Variants in PPM1E observed in about 807,000 individuals in gnomAD.
PPM1E encodes protein phosphatase 1E.
PPM1E carries 20 observed loss-of-function variants against 65.9 expected under a neutral mutation model. That is an observed-to-expected ratio of 0.30 (90% CI 0.21 to 0.44). PPM1E has a LOEUF of 0.44. Among genes scored for constraint, PPM1E ranks in the 20% least tolerant of loss-of-function variants. The pLI is 1.00. For missense variants in PPM1E, 713 were observed against 953.1 expected (o/e 0.75, Z 3.32); for synonymous variants, 352 against 374.9 (o/e 0.94, Z 0.70).
intron 1 of PPM1E, among the ~76,000 whole-genome samples, chr17:58,919,505 G>A (rs1048843591): frequency 2.0e-5 from 3 of 152,240 alleles, no homozygotes; most frequent in Non-Finnish European, 4.4e-5. Context: ...AAAGATAGAG[G>A]CTGGGCACGG....
chr17:58,931,206 G>A (rs140243306), intron 1 of PPM1E, among the ~76,000 whole-genome samples: 3,907 of 152,050 alleles, frequency 0.026, 76 homozygotes, highest in Non-Finnish European at 0.038. Context: ...GACCAACATG[G>A]AGAAACCCCA....
At chr17:58,786,357 A>G (rs961738752) in intron 1 of PPM1E, among the ~76,000 whole-genome samples, 2 of 152,138 alleles carry the variant, frequency 1.3e-5, no homozygotes, top group Non-Finnish European at 2.9e-5. Context: ...TCTCTTTAGC[A>G]TATCTGAATT....
chr17:58,764,268 A>G (rs1183678216), intron 1 of PPM1E, among the ~76,000 whole-genome samples: 1 of 152,072 alleles, frequency 6.6e-6, no homozygotes, highest in Non-Finnish European at 1.5e-5. Context: ...TAGATTTGCT[A>G]TTTTTTAAAA....
At chr17:58,798,230 G>GTT (rs980535079) in intron 1 of PPM1E, among the ~76,000 whole-genome samples, 10,344 of 129,934 alleles carry the variant, frequency 0.08, 1,398 homozygotes, top group African/African-American at 0.27. Flanking sequence ...TTTTTTGTTT[G>GTT]TTTTTTTTTT....
At chr17:58,812,896 A>G (rs997689062) in intron 1 of PPM1E, among the ~76,000 whole-genome samples, 62 of 152,162 alleles carry the variant, frequency 4.1e-4, no homozygotes, top group African/African-American at 1.4e-3. Flanking sequence ...AGATTTCCTC[A>G]AGTCTTTTCA....
At chr17:58,842,710 G>C in intron 1 of PPM1E, among the ~76,000 whole-genome samples, 1 of 150,826 alleles carries the variant, frequency 6.6e-6, no homozygotes, top group Admixed American at 6.6e-5. Flanking sequence ...AGGCCAAGGC[G>C]GGTGGATCAC....
intron 1 of PPM1E, among the ~76,000 whole-genome samples, chr17:58,772,454 A>T (rs2049949068): frequency 7.0e-6 from 1 of 142,562 alleles, no homozygotes; most frequent in Non-Finnish European, 1.5e-5. Context: ...GACTCCATCT[A>T]AAAAAAAAAA....
chr17:58,872,928 C>T lies in PPM1E; in HGVS notation c.465-82721C>T, dbSNP rs375292770. Reference sequence around the variant, plus strand: ...GAAGACTGCCTTAACATTCAGTGATCGGGGTGATAATTTGAAGAGATCTTG... The same window carrying T: ...GAAGACTGCCTTAACATTCAGTGATTGGGGTGATAATTTGAAGAGATCTTG... On this transcript the variant is annotated intron_variant, in intron 1 of 6. Coordinates refer to ENST00000308249, the MANE Select transcript of PPM1E (RefSeq NM_014906.5). Among the ~76,000 whole-genome samples, 84 of 152,268 alleles carry T rather than the reference C, an allele frequency of 5.5e-4. 2 individuals carry two copies. The South Asian group carries it at 0.016, about 29-fold the overall frequency.
chr17:58,902,286 G>A (rs892355318), intron 1 of PPM1E, among the ~76,000 whole-genome samples: 33 of 152,090 alleles, frequency 2.2e-4, no homozygotes, highest in African/African-American at 7.7e-4. Flanking sequence ...TGCTAAGTTA[G>A]GGTTGCAGTC....
intron 1 of PPM1E, among the ~76,000 whole-genome samples, chr17:58,845,099 T>G (rs1489655485): frequency 1.3e-5 from 2 of 152,206 alleles, no homozygotes; most frequent in East Asian, 3.8e-4. Context: ...TTAACAGTGT[T>G]GCTAATCACT....
intron 1 of PPM1E, among the ~76,000 whole-genome samples, chr17:58,861,925 TA>T (rs71143292): frequency 0.64 from 97,336 of 151,074 alleles, 31,757 homozygotes; most frequent in African/African-American, 0.74. Context: ...TGAGATACTT[TA>T]AAAAAAAAAT....
chr17:58,781,155 T>A (rs1173662983), intron 1 of PPM1E, among the ~76,000 whole-genome samples: 1 of 151,270 alleles, frequency 6.6e-6, no homozygotes, highest in Non-Finnish European at 1.5e-5. Flanking sequence ...TTTTTTTTTT[T>A]TTTGAAACGG....
chr17:58,776,046 A>G (rs987800781), intron 1 of PPM1E, among the ~76,000 whole-genome samples: 4 of 151,906 alleles, frequency 2.6e-5, no homozygotes, highest in Non-Finnish European at 5.9e-5. Context: ...TAAATAAATA[A>G]AAAATAAAGG....
At chr17:58,871,741 C>T (rs1241925073) in intron 1 of PPM1E, among the ~76,000 whole-genome samples, 5 of 151,118 alleles carry the variant, frequency 3.3e-5, no homozygotes, top group South Asian at 2.1e-4. Context: ...ATTTGGACCT[C>T]GGAAGTTGAG....
intron 1 of PPM1E, among the ~76,000 whole-genome samples, chr17:58,826,440 T>C (rs1410695458): frequency 2.0e-5 from 3 of 152,126 alleles, no homozygotes; most frequent in African/African-American, 7.2e-5. Flanking sequence ...TTTATTCAGG[T>C]TGTTATGGCA....
chr17:58,964,543 T>C (rs895772611), intron 2 of PPM1E, among the ~76,000 whole-genome samples: 46 of 152,250 alleles, frequency 3.0e-4, no homozygotes, highest in African/African-American at 1.1e-3. Flanking sequence ...GTGGTAGACA[T>C]AGGTGAAGCG....
rs76538662 is a variant in PPM1E at position 58,811,719 on chromosome 17, G to A, written c.464+55258G>A. Reference sequence around the variant, plus strand: ...CAGAGTCTCACTCAGTCGCCAGGCCGGAATATGGTGGTGCGATCTCAGCCC... The same window carrying A: ...CAGAGTCTCACTCAGTCGCCAGGCCAGAATATGGTGGTGCGATCTCAGCCC... On this transcript the variant is annotated intron_variant, in intron 1 of 6. Coordinates refer to ENST00000308249, the MANE Select transcript of PPM1E (RefSeq NM_014906.5). Among the ~76,000 whole-genome samples, 1,220 of 151,966 alleles carry A rather than the reference G, an allele frequency of 8.0e-3. 50 individuals are homozygous for A. Among genetic ancestry groups the A allele is most frequent in the Admixed American group, 0.064 (970 of 15,250 alleles).
chr17:58,930,531 C>T (rs1279278843), intron 1 of PPM1E, among the ~76,000 whole-genome samples: 1 of 151,914 alleles, frequency 6.6e-6, no homozygotes, highest in Non-Finnish European at 1.5e-5. Context: ...AATACATTGC[C>T]GTGAATAACA....
intron 1 of PPM1E, among the ~76,000 whole-genome samples, chr17:58,771,647 A>G (rs1021400228): frequency 4.0e-5 from 6 of 150,946 alleles, no homozygotes; most frequent in Non-Finnish European, 8.9e-5. Flanking sequence ...AGAAGAAGAT[A>G]AAAAAGAAAG....
Sources: gnomAD v4.1 joint callset for allele counts (sites outside exome capture counted in the v4.1 genomes callset) on GRCh38, gnomAD v4.1.1 for gene constraint, MANE v1.5 for transcripts, NCBI Gene and HGNC (gene_info 2026-07-23, HGNC 2026-07-21) for gene names.